The following CHCHD6 variants were observed in gnomAD, a reference collection of about 807,000 sequenced individuals.
CHCHD6 encodes the protein coiled-coil-helix-coiled-coil-helix domain containing 6, also known as MICOS complex subunit MIC25.
Under a neutral mutation model 32.3 loss-of-function variants are expected in CHCHD6, and 28 were observed. The ratio of observed to expected loss-of-function variants is 0.87; its 90% CI spans 0.64 to 1.19. The LOEUF (loss-of-function observed/expected upper bound fraction) is 1.19, where lower values mean the gene tolerates loss of function less well. Ranked by LOEUF, CHCHD6 falls within the 50% of genes most tolerant of loss-of-function variation. The pLI is 0.00. For synonymous variants in CHCHD6, 122 were observed against 117.5 expected (o/e 1.04, Z -0.25); for missense variants, 333 against 307.0 (o/e 1.08, Z -0.63).
chr3:126,945,002 T>C (rs1216406734), intron 6 of CHCHD6, among the ~76,000 whole-genome samples: 1 of 152,172 alleles, frequency 6.6e-6, no homozygotes, highest in Non-Finnish European at 1.5e-5. Flanking sequence ...CTGGTCACCA[T>C]GGGATGGGCA....
chr3:126,731,260 G>A (rs1238420767), intron 3 of CHCHD6, among the ~76,000 whole-genome samples: 2 of 152,106 alleles, frequency 1.3e-5, no homozygotes, highest in Non-Finnish European at 2.9e-5. Context: ...AGATGAACTG[G>A]CTCCAGGATG....
In CHCHD6 at chr3:126,934,008, C is replaced by T. The variant is rs561399635; in HGVS notation, c.566+19258C>T. Among the ~76,000 whole-genome samples, 157 of 152,340 alleles carry T rather than the reference C, an allele frequency of 1.0e-3. 1 individual carries two copies. The highest frequency in any genetic ancestry group is 3.2e-3 in the African/African-American group (134 of 41,580). On this transcript the variant is annotated intron_variant, in intron 6 of 7. Coordinates refer to ENST00000290913, the MANE Select transcript of CHCHD6 (RefSeq NM_032343.3). ...TTGCCCGTTCTGTGTTGGGATTCTG[C>T]GCTCTTCTCCTGTCAGCGGCCTCAG...
chr3:126,883,113 C>T (rs1008497659), intron 5 of CHCHD6, among the ~76,000 whole-genome samples: 2 of 152,220 alleles, frequency 1.3e-5, no homozygotes, highest in Non-Finnish European at 2.9e-5. Flanking sequence ...GGTAGCTGAA[C>T]ACTTGGAGGT....
At chr3:126,797,122 G>C (rs1007686262) in intron 4 of CHCHD6, among the ~76,000 whole-genome samples, 2 of 152,172 alleles carry the variant, frequency 1.3e-5, no homozygotes, top group African/African-American at 4.8e-5. Context: ...CTCATTCTGT[G>C]TCTCTCTCTG....
intron 4 of CHCHD6, among the ~76,000 whole-genome samples, chr3:126,811,824 A>G (rs2107531737): frequency 6.6e-6 from 1 of 152,282 alleles, no homozygotes; most frequent in South Asian, 2.1e-4. Flanking sequence ...ATCATGGGGG[A>G]CAGGGCCCAG....
intron 4 of CHCHD6, among the ~76,000 whole-genome samples, chr3:126,765,199 G>A (rs1052415599): frequency 1.3e-5 from 2 of 152,150 alleles, no homozygotes; most frequent in African/African-American, 4.8e-5. Flanking sequence ...TCACATTTAA[G>A]TTCTATTCTC....
intron 4 of CHCHD6, among the ~76,000 whole-genome samples, chr3:126,785,667 A>C (rs765085701): frequency 6.6e-5 from 10 of 152,208 alleles, no homozygotes; most frequent in Non-Finnish European, 1.3e-4. Flanking sequence ...AAGTACATTT[A>C]CCATGTTTTA....
At chr3:126,922,197 C>T (rs959351300) in intron 6 of CHCHD6, among the ~76,000 whole-genome samples, 1 of 152,198 alleles carries the variant, frequency 6.6e-6, no homozygotes, top group Non-Finnish European at 1.5e-5. Context: ...TAAACATCAT[C>T]ACGTGCCAGC....
intron 4 of CHCHD6, among the ~76,000 whole-genome samples, chr3:126,827,622 C>G (rs1044612289): frequency 1.3e-5 from 2 of 152,144 alleles, no homozygotes; most frequent in African/African-American, 4.8e-5. Context: ...CATGGAGAAC[C>G]TGTGAAGTCT....
At chr3:126,903,145 A>G (rs1241916619) in intron 5 of CHCHD6, among the ~76,000 whole-genome samples, 1 of 152,216 alleles carries the variant, frequency 6.6e-6, no homozygotes, top group Admixed American at 6.5e-5. Context: ...TCCAACACTA[A>G]GAAACGCTGA....
intron 4 of CHCHD6, among the ~76,000 whole-genome samples, chr3:126,817,979 G>A (rs937252163): frequency 1.3e-5 from 2 of 152,186 alleles, no homozygotes; most frequent in African/African-American, 4.8e-5. Context: ...CCACTACCCA[G>A]CTGTCTTTGC....
rs551934416 is a variant in CHCHD6, at chr3:126,898,638, A to C, written c.496-16042A>C. 4.6e-5 allele frequency among the ~76,000 whole-genome samples: 7 copies of C among 152,296 alleles called. No homozygotes were observed. In the South Asian group the frequency reaches 1.2e-3, roughly 27 times the overall value. ...ACTGCAACCTCTGCCTCCCAGGTTC[A>C]AGCGATTCACCAGTCTTAGCCTACT... is the stretch of plus-strand genomic sequence containing the variant. On this transcript the variant is annotated intron_variant, in intron 5 of 7. Coordinates refer to ENST00000290913, the MANE Select transcript of CHCHD6 (RefSeq NM_032343.3).
chr3:126,765,380 G>A (rs1270555808), intron 4 of CHCHD6, among the ~76,000 whole-genome samples: 2 of 152,200 alleles, frequency 1.3e-5, no homozygotes, highest in African/African-American at 4.8e-5. Context: ...GCGAGCTCGG[G>A]CACAGGCACT....
rs143582087 is a variant in CHCHD6, at chr3:126,797,980, G to A, written c.412-54667G>A. Among the ~76,000 whole-genome samples the A allele has an allele frequency of 4.7e-3, 718 of 152,320 alleles. 4 individuals carry two copies. The highest frequency in any genetic ancestry group is 0.014 in the African/African-American group (602 of 41,574). Reference sequence around the variant, plus strand: ...ATGAATGATCTCCCCCAACTGTGCCGTTTCCTTCCCAGGCCTTGTGCTGTA... The same window carrying A: ...ATGAATGATCTCCCCCAACTGTGCCATTTCCTTCCCAGGCCTTGTGCTGTA... On this transcript the variant is annotated intron_variant, in intron 4 of 7. Transcript: ENST00000290913.
chr3:126,819,349 A>G (rs1940055616), intron 4 of CHCHD6, among the ~76,000 whole-genome samples: 1 of 152,136 alleles, frequency 6.6e-6, no homozygotes, highest in Non-Finnish European at 1.5e-5. Flanking sequence ...CCCACTGTCT[A>G]ATATCAGAGT....
intron 4 of CHCHD6, among the ~76,000 whole-genome samples, chr3:126,835,031 A>G (rs868696645): frequency 8.0e-4 from 122 of 152,252 alleles, no homozygotes; most frequent in African/African-American, 2.8e-3. Context: ...GTGTTTTTCC[A>G]GTTTCTAATA....
At chr3:126,945,186 CTT>C (rs1487587849) in intron 6 of CHCHD6, among the ~76,000 whole-genome samples, 3 of 152,014 alleles carry the variant, frequency 2.0e-5, no homozygotes, top group African/African-American at 7.2e-5. Context: ...GTGAGGAGGA[CTT>C]TGGCTCACTG....
intron 5 of CHCHD6, among the ~76,000 whole-genome samples, chr3:126,870,244 A>G (rs1455887086): frequency 1.3e-5 from 2 of 152,178 alleles, no homozygotes; most frequent in Non-Finnish European, 2.9e-5. Flanking sequence ...GGTTCCTCTC[A>G]TTAGTGGTCA....
intron 4 of CHCHD6, among the ~76,000 whole-genome samples, chr3:126,841,974 CGTAATGGCTCACACTT>C (rs1238119573): frequency 1.3e-5 from 2 of 151,822 alleles, no homozygotes; most frequent in African/African-American, 4.8e-5. Context: ...CTAGTCCAGG[CGTAATGGCTCACACTT>C]GTAATCCCAA....
Sources: gnomAD v4.1 joint callset for allele counts (sites outside exome capture counted in the v4.1 genomes callset) on GRCh38, gnomAD v4.1.1 for gene constraint, MANE v1.5 for transcripts, NCBI Gene and HGNC (gene_info 2026-07-23, HGNC 2026-07-21) for gene names.